KMT2D: variants seen among roughly 807,000 people sequenced by gnomAD.
The protein encoded by KMT2D is histone-lysine N-methyltransferase 2D.
A neutral mutation model predicts 512.7 loss-of-function variants in KMT2D; 55 were observed. The observed-to-expected ratio is 0.11, with a 90% confidence interval of 0.09 to 0.13. KMT2D has a LOEUF of 0.13. Among genes scored for constraint, KMT2D ranks in the 10% least tolerant of loss-of-function variants. The pLI, the probability that KMT2D is intolerant of heterozygous loss-of-function variation, is 1.00. For synonymous variants in KMT2D, 2,995 were observed against 2,904.0 expected (o/e 1.03, Z -1.01); for missense variants, 6,061 against 7,127.9 (o/e 0.85, Z 5.39).
In KMT2D at chr12:49,048,754, T is replaced by C; in HGVS notation, c.4036A>G (p.Ser1346Gly). Residue 1346 changes from serine (S) to glycine (G), a missense_variant, in exon 14 of 55, where the codon AGC becomes GGC. By Grantham distance (56) the Ser-to-Gly change is moderately conservative (BLOSUM62 0). Transcript: ENST00000301067. ...IETLVVADIDSSPSKEEEEED... is the reference protein window; with the variant it reads ...IETLVVADIDGSPSKEEEEED... ...TCCTCCTCCTCCTTACTGGGAGAGC[T>C]ATCAATGTCAGCAACCTGATGGGCA... The C allele has an allele frequency of 6.2e-7, 1 of 1,606,412 alleles. No individual in the cohort carries two copies. The highest frequency in any genetic ancestry group is 1.1e-5 in the South Asian group (1 of 90,862).
Position 49,022,491 on chromosome 12 carries a change from C to T in KMT2D, c.16338+99G>A. 1.3e-6 allele frequency: 2 copies of T among 1,527,516 alleles called. No individual in the cohort carries two copies. The highest frequency in any genetic ancestry group is 1.8e-6 in the Non-Finnish European group (2 of 1,116,922). The allele number at this position is 1,527,516 out of a possible 1,614,324, so 94.6% of individuals were successfully genotyped here. On this transcript the variant is annotated intron_variant, in intron 52 of 54. Coordinates refer to ENST00000301067, the MANE Select transcript of KMT2D (RefSeq NM_003482.4). This position sits in a 1 kb window ranked among gnomAD's most constrained non-coding sequence, Gnocchi z 8.6. ...ATTTCTCCTGCCTTTCCCTTCTCCC[C>T]ACCACAGCTTTCCTCCTGCTCTCCT...
chr12:49,033,277 A>T lies in KMT2D; in HGVS notation c.11428T>A (p.Leu3810Met). 6.4e-7 allele frequency: 1 copy of T among 1,571,524 alleles called. No homozygotes were observed. The highest frequency in any genetic ancestry group is 8.6e-7 in the Non-Finnish European group (1 of 1,158,328). The change falls in exon 40 of 55, where the codon TTG becomes ATG. Residue 3810 changes from leucine to methionine, a missense_variant. Around this residue, in one of 16 missense-constraint regions of KMT2D, gnomAD observed 1,600 missense variants for 1,754.9 expected, o/e 0.91. Coordinates refer to ENST00000301067, the MANE Select transcript of KMT2D (RefSeq NM_003482.4). Reference protein sequence around the residue: ...GMLGPAQVAVLQQQHPGALGP... With the variant: ...GMLGPAQVAVMQQQHPGALGP... ...AAAGCTCCAGGGTGCTGCTGCTGCA[A>T]CACAGCCACCTGGGCAGGGCCCAGC...
At chr12:49,045,997 T>C (rs1943766333) in intron 18 of KMT2D, 30 bp from the exon 19 acceptor site, 1 of 1,613,654 alleles carries the variant, frequency 6.2e-7, no homozygotes, top group East Asian at 2.2e-5. Context: ...CGGAGGTGGC[T>C]GAGGTCCTGT....
In KMT2D at chr12:49,050,476, G is replaced by C. The variant is rs2120651173; in HGVS notation, c.3112C>G (p.Pro1038Ala). Residue 1038 changes from proline to alanine, a missense_variant, in exon 12 of 55, where the codon CCT becomes GCT. Transcript: ENST00000301067. ...GCAGGAGGAGAGCACTGGGAAGGAG[G>C]GGAGTTTTGGGGAACCAGGGAATGC... The part of the protein sequence containing the change: ...LQHSLVPQNS[P>A]PSQCSPPALP... 1 of 1,613,610 alleles carries C rather than the reference G, an allele frequency of 6.2e-7. No homozygotes were observed. The highest frequency in any genetic ancestry group is 8.5e-7 in the Non-Finnish European group (1 of 1,179,558).
In KMT2D at chr12:49,022,190, A is replaced by G. The variant is rs774153782; in HGVS notation, c.16413-39T>C. The G allele has an allele frequency of 6.2e-7, 1 of 1,606,090 alleles. No homozygotes were observed. Among genetic ancestry groups the G allele is most frequent in the Admixed American group, 1.7e-5 (1 of 59,996 alleles). ...CAGAGTCAGGGATGTCAGGCAACTA[A>G]CTTGGGACAATTTTGATTCCTTGTT... On this transcript the variant is annotated intron_variant, in intron 53 of 54. Coordinates refer to ENST00000301067, the MANE Select transcript of KMT2D (RefSeq NM_003482.4). This position sits in a 1 kb window ranked among gnomAD's most constrained non-coding sequence, Gnocchi z 8.6.
At chr12:49,048,292 AG>A (rs1223741299) in intron 14 of KMT2D, among the ~76,000 whole-genome samples, 1 of 152,244 alleles carries the variant, frequency 6.6e-6, no homozygotes, top group East Asian at 1.9e-4. Context: ...GGTGAAGTTA[AG>A]AAGAAATTAA....
Position 49,028,028 on chromosome 12 carries a change from C to G in KMT2D, c.14496G>C (p.Lys4832Asn), listed in dbSNP as rs557710880. The change falls in exon 47 of 55, where the codon AAG (lysine) becomes AAC (asparagine). Residue 4832 changes from lysine to asparagine, a missense_variant. Around this residue, in one of 16 missense-constraint regions of KMT2D, gnomAD observed 1,600 missense variants for 1,754.9 expected, o/e 0.91. Coordinates refer to ENST00000301067, the MANE Select transcript of KMT2D (RefSeq NM_003482.4). ...ACTCACCAGGACCCTCAGCTTCCCC[C>G]TTCTTTGGCTCAGTGCCTGCCCGGG... ...SPARAGTEPK[K>N]GEAEGPGGKE... 8.1e-6 allele frequency: 13 copies of G among 1,613,376 alleles called. No homozygotes were observed. The South Asian group carries it at 8.8e-5, about 11-fold the overall frequency.
In KMT2D at chr12:49,022,398, A is replaced by T; in HGVS notation, c.16339-45T>A. 6 of 1,571,662 alleles carry T rather than the reference A, an allele frequency of 3.8e-6. No individual in the cohort carries two copies. Among genetic ancestry groups the T allele is most frequent in the South Asian group, 1.1e-5 (1 of 89,278 alleles). On this transcript the variant is annotated intron_variant, in intron 52 of 54. Transcript: ENST00000301067. This position sits in a 1 kb window ranked among gnomAD's most constrained non-coding sequence, Gnocchi z 8.6. Reference sequence around the variant, plus strand: ...AGAAGAAGGGACAAGAGTATCAGAGAGTGGCAGTGGTGGCTGTGGGATCAG... The same window carrying T: ...AGAAGAAGGGACAAGAGTATCAGAGTGTGGCAGTGGTGGCTGTGGGATCAG...
In KMT2D at chr12:49,033,526, G is replaced by A. The variant is rs566069597; in HGVS notation, c.11179C>T (p.Arg3727Cys). ...TGCAGTTTCTGGGCCAGCTGCATAC[G>A]TTGCTGCTGCAGCTGCAGCTGCCTT... The part of the protein sequence containing the change: ...QERQLQLQQQ[R>C]MQLAQKLQQQ... The change falls in exon 40 of 55, where the codon CGT becomes TGT. Residue 3727 changes from arginine (R) to cysteine (C), a missense_variant. By Grantham distance (180) the Arg-to-Cys change is radical. Around this residue, in one of 16 missense-constraint regions of KMT2D, gnomAD observed 1,600 missense variants for 1,754.9 expected, o/e 0.91. Transcript: ENST00000301067. 5.3e-5 allele frequency: 86 copies of A among 1,613,582 alleles called. No homozygotes were observed. Among genetic ancestry groups the A allele is most frequent in the South Asian group, 4.3e-4 (39 of 91,086 alleles).
In KMT2D at chr12:49,029,151, G is replaced by A. The variant is rs777064703; in HGVS notation, c.14161C>T (p.Arg4721Cys). The A allele has an allele frequency of 6.8e-6, 11 of 1,613,852 alleles. No homozygotes were observed. The highest frequency in any genetic ancestry group is 6.7e-5 in the East Asian group (3 of 44,880). The change falls in exon 45 of 55, where the codon CGT becomes TGT. Residue 4721 changes from arginine (R) to cysteine (C), a missense_variant. Physicochemically the swap from Arg to Cys is radical, Grantham distance 180 (BLOSUM62 -3). This residue lies in a region of KMT2D where 1,600 missense variants were observed against 1,754.9 expected (regional missense o/e 0.91). Transcript: ENST00000301067. ...CGGCCTGAGCCCAGATGAGGGAAACGAGGGGCCTCCTCCCCCAAGATGCTC... is the reference window on the plus strand; with the variant it reads ...CGGCCTGAGCCCAGATGAGGGAAACAAGGGGCCTCCTCCCCCAAGATGCTC... ...PESILGEEAP[R>C]FPHLGSGRWE...
rs781256045 is a variant in KMT2D, at chr12:49,052,984, C to T, written c.1043G>A (p.Arg348His). The T allele has an allele frequency of 3.7e-6, 6 of 1,614,000 alleles. No individual in the cohort carries two copies. In the South Asian group the frequency reaches 4.4e-5, roughly 12 times the overall value. ...EWFENYSLCHRCHKAQGGQTI... is the reference protein window; with the variant it reads ...EWFENYSLCHHCHKAQGGQTI... ...CTGACCTCCCTGGGCTTTGTGACAG[C>T]GGTGACAGAGAGAGTAGTTCTCAAA... The change falls in exon 9 of 55, where the codon CGC becomes CAC. Residue 348 changes from arginine to histidine, a missense_variant. This residue lies in a region of KMT2D where 848 missense variants were observed against 838.5 expected (regional missense o/e 1.01). Coordinates refer to ENST00000301067, the MANE Select transcript of KMT2D (RefSeq NM_003482.4).
rs1452376413 is a variant in KMT2D at position 49,051,867 on chromosome 12, A to G, written c.1816T>C (p.Ser606Pro). ...ASRLFPPFEE[S>P]PLSPPPEESP... ...TCCTCAGGTGGAGGGGACAGAGGAGACTCTTCAAATGGTGGGAACAGACGA... is the reference window on the plus strand; with the variant it reads ...TCCTCAGGTGGAGGGGACAGAGGAGGCTCTTCAAATGGTGGGAACAGACGA... Residue 606 changes from serine to proline, a missense_variant, in exon 11 of 55, where the codon TCT becomes CCT. Around this residue, in one of 16 missense-constraint regions of KMT2D, gnomAD observed 848 missense variants for 838.5 expected, o/e 1.01. Transcript: ENST00000301067. The G allele has an allele frequency of 1.9e-6, 3 of 1,607,820 alleles. No individual in the cohort carries two copies. In the African/African-American group the frequency reaches 4.2e-5, roughly 22 times the overall value.
At position 49,049,186 on chromosome 12, in the gene KMT2D, C is replaced by T. The variant is rs762921414; in HGVS notation, c.3939G>A (p.Arg1313=). 1.2e-6 allele frequency: 2 copies of T among 1,607,880 alleles called. No individual in the cohort carries two copies. Among genetic ancestry groups the T allele is most frequent in the Non-Finnish European group, 1.7e-6 (2 of 1,176,950 alleles). The change falls in exon 13 of 55, where the codon CGG becomes CGA. Residue 1313 remains arginine (R), a synonymous_variant. Transcript: ENST00000301067. ...GTCCTCCATGGGCTCCTCCACGAGGCCGGCGTCTTCCTGGGAAACTGCTGC... is the reference window on the plus strand; with the variant it reads ...GTCCTCCATGGGCTCCTCCACGAGGTCGGCGTCTTCCTGGGAAACTGCTGC... ...GRSSSFPGRR[R]PRGGAHGGRG... is the part of the protein sequence containing the mutation.
At position 49,060,293 on chromosome 12, in the gene KMT2D, G is replaced by A. The variant is rs1207998557; in HGVS notation, c.-718C>T. Reference sequence around the variant, plus strand: ...CCCGGGGAAGGGAGGAGGCTAGGTAGGCGAGGAAAAGGAAGGGGCGGGCGG... The same window carrying A: ...CCCGGGGAAGGGAGGAGGCTAGGTAAGCGAGGAAAAGGAAGGGGCGGGCGG... On this transcript the variant is annotated 5_prime_UTR_variant, in exon 1 of 55. Transcript: ENST00000301067. 2.0e-5 allele frequency among the ~76,000 whole-genome samples: 3 copies of A among 152,110 alleles called. No homozygotes were observed. The highest frequency in any genetic ancestry group is 1.9e-4 in the East Asian group (1 of 5,164).
chr12:49,026,888 C>A lies in KMT2D; in HGVS notation c.15078G>T (p.Pro5026=), dbSNP rs762146012. Reference sequence around the variant, plus strand: ...AGAAACAGCAGCGACGCATGTCTCGCGGTACCTTGTCAGGTCGCAAGGCTG... The same window carrying A: ...AGAAACAGCAGCGACGCATGTCTCGAGGTACCTTGTCAGGTCGCAAGGCTG... The part of the protein sequence containing the change: ...LGTALRPDKV[P]RDMRRCCFCH... Residue 5026 remains proline, a synonymous_variant, in exon 49 of 55, where the codon CCG becomes CCT. Coordinates refer to ENST00000301067, the MANE Select transcript of KMT2D (RefSeq NM_003482.4). This position sits in a 1 kb window ranked among gnomAD's most constrained non-coding sequence, Gnocchi z 9.6. The A allele has an allele frequency of 6.2e-7, 1 of 1,614,028 alleles. No homozygotes were observed. The highest frequency in any genetic ancestry group is 8.5e-7 in the Non-Finnish European group (1 of 1,179,910).
At position 49,041,937 on chromosome 12, in the gene KMT2D, C is replaced by T. The variant is rs1396825924; in HGVS notation, c.6163G>A (p.Ala2055Thr). 6.2e-7 allele frequency: 1 copy of T among 1,608,648 alleles called. No individual in the cohort carries two copies. The highest frequency in any genetic ancestry group is 1.3e-5 in the African/African-American group (1 of 74,840). The change falls in exon 30 of 55, where the codon GCT (alanine) becomes ACT (threonine). Residue 2055 changes from alanine (A) to threonine (T), a missense_variant. Transcript: ENST00000301067. The surrounding 1 kb of genome is among the most constrained non-coding windows in gnomAD (Gnocchi z 5.4). ...IMKLWRKVPA[A>T]DKAPYLQKAK... is the part of the protein sequence containing the mutation. The stretch of plus-strand genomic sequence containing the variant: ...CTCACCAGGTAGGGGGCTTTGTCAG[C>T]TGCTGGAACCTTTCTCCAGAGCTTC...
Position 49,043,381 on chromosome 12 carries a change from C to T in KMT2D, c.5515G>A (p.Gly1839Ser), listed in dbSNP as rs2120567814. The change falls in exon 25 of 55, where the codon GGC (glycine) becomes AGC (serine). Residue 1839 changes from glycine (G) to serine (S), a missense_variant. This residue lies in a region of KMT2D where 640 missense variants were observed against 814.3 expected (regional missense o/e 0.79). Transcript: ENST00000301067. ...IADEESRGLEGKADTPGPEDG... is the reference protein window; with the variant it reads ...IADEESRGLESKADTPGPEDG... Reference sequence around the variant, plus strand: ...CCCTCACCTGGTGTATCGGCTTTGCCCTCGAGGCCACGGGATTCTTCATCT... The same window carrying T: ...CCCTCACCTGGTGTATCGGCTTTGCTCTCGAGGCCACGGGATTCTTCATCT... 1.9e-6 allele frequency: 3 copies of T among 1,613,976 alleles called. No individual in the cohort carries two copies. The highest frequency in any genetic ancestry group is 1.1e-5 in the South Asian group (1 of 91,086).
Position 49,024,712 on chromosome 12 carries a change from T to C in KMT2D, c.15922-4A>G. The C allele has an allele frequency of 6.2e-7, 1 of 1,613,476 alleles. No individual in the cohort carries two copies. Among genetic ancestry groups the C allele is most frequent in the East Asian group, 2.2e-5 (1 of 44,886 alleles). On this transcript the variant is annotated splice_region_variant and splice_polypyrimidine_tract_variant and intron_variant, in intron 50 of 54. Coordinates refer to ENST00000301067, the MANE Select transcript of KMT2D (RefSeq NM_003482.4). This position sits in a 1 kb window ranked among gnomAD's most constrained non-coding sequence, Gnocchi z 4.5. ...GACAGCTCTCCACCCCGGGCAGCTG[T>C]GGGCACAGTTCATACTCACCTTAGC...
At position 49,049,218 on chromosome 12, in the gene KMT2D, C is replaced by A. The variant is rs1412482088; in HGVS notation, c.3907G>T (p.Gly1303Cys). 4 of 1,589,250 alleles carry A rather than the reference C, an allele frequency of 2.5e-6. No individual in the cohort carries two copies. Among genetic ancestry groups the A allele is most frequent in the Non-Finnish European group, 8.6e-7 (1 of 1,164,524 alleles). Residue 1303 changes from glycine (G) to cysteine (C), a missense_variant and splice_region_variant, in exon 13 of 55, where the codon GGT (glycine) becomes TGT (cysteine). By Grantham distance (159) the Gly-to-Cys change is radical. Coordinates refer to ENST00000301067, the MANE Select transcript of KMT2D (RefSeq NM_003482.4). ...SSPARSRIKQ[G>C]RSSSFPGRRR... is the part of the protein sequence containing the mutation. ...CTTCCTGGGAAACTGCTGCTGCGACCCTGAGTGAAAGAAGGGGACAATGAC... is the reference window on the plus strand; with the variant it reads ...CTTCCTGGGAAACTGCTGCTGCGACACTGAGTGAAAGAAGGGGACAATGAC...
Sources: allele counts gnomAD v4.1 joint callset (sites outside exome capture counted in the v4.1 genomes callset), GRCh38; gene constraint gnomAD v4.1.1; regional missense constraint gnomAD v4.1.1; non-coding constraint Gnocchi (gnomAD v3.1); transcripts MANE v1.5; gene names NCBI Gene and HGNC (gene_info 2026-07-23, HGNC 2026-07-21).